ELP4: variants seen among roughly 807,000 people sequenced by gnomAD.
The protein encoded by ELP4 is elongator acetyltransferase complex subunit 4.
Under a neutral mutation model 48.9 loss-of-function variants are expected in ELP4, and 51 were observed. The ratio of observed to expected loss-of-function variants is 1.04; its 90% confidence interval spans 0.83 to 1.32. The LOEUF is 1.32. Ranked by LOEUF, ELP4 falls within the 40% of genes most tolerant of loss-of-function variation. ELP4 has a pLI of 0.00. For synonymous variants in ELP4, 210 were observed against 189.2 expected (o/e 1.11, Z -0.90); for missense variants, 519 against 514.6 (o/e 1.01, Z -0.08).
intron 3 of ELP4, among the ~76,000 whole-genome samples, chr11:31,590,996 G>A (rs1179086131): frequency 1.3e-5 from 2 of 152,020 alleles, no homozygotes; most frequent in Non-Finnish European, 2.9e-5. Context: ...GTCCATCAAT[G>A]GACGCTTCCA....
At chr11:31,703,969 A>T (rs1041374731) in intron 9 of ELP4, among the ~76,000 whole-genome samples, 1 of 152,142 alleles carries the variant, frequency 6.6e-6, no homozygotes, top group African/African-American at 2.4e-5. Flanking sequence ...CATATTCAGC[A>T]CTCTAACTTA....
intron 9 of ELP4, among the ~76,000 whole-genome samples, chr11:31,713,999 CAGAGA>C (rs1159473472): frequency 6.6e-6 from 1 of 151,950 alleles, no homozygotes; most frequent in Non-Finnish European, 1.5e-5. Context: ...GCTGAATGGA[CAGAGA>C]AGAGAAAGAA....
At chr11:31,521,158 G>C (rs917715682) in intron 2 of ELP4, among the ~76,000 whole-genome samples, 2 of 151,972 alleles carry the variant, frequency 1.3e-5, no homozygotes, top group African/African-American at 4.8e-5. Flanking sequence ...GTCTAGTAAA[G>C]GAAAACGTTA....
intron 9 of ELP4, among the ~76,000 whole-genome samples, chr11:31,740,561 C>A (rs932468849): frequency 6.6e-6 from 1 of 152,152 alleles, no homozygotes; most frequent in African/African-American, 2.4e-5. Flanking sequence ...CTGGGCTGTT[C>A]CTAACTTTTG....
intron 9 of ELP4, among the ~76,000 whole-genome samples, chr11:31,734,944 C>A (rs543633876): frequency 1.1e-4 from 16 of 152,196 alleles, no homozygotes; most frequent in Admixed American, 9.2e-4. Flanking sequence ...CTTCACATGT[C>A]CTGATTTTGA....
intron 7 of ELP4, chr11:31,647,316 A>G (rs1945221394): frequency 6.2e-6 from 1 of 161,034 alleles, no homozygotes; most frequent in Non-Finnish European, 1.3e-5. Flanking sequence ...CTTGCCCTAT[A>G]CTTTATGCTG....
intron 3 of ELP4, among the ~76,000 whole-genome samples, chr11:31,565,225 T>C (rs1440598412): frequency 6.6e-6 from 1 of 152,162 alleles, no homozygotes; most frequent in Non-Finnish European, 1.5e-5. Flanking sequence ...CATGGGGTTG[T>C]TTTTTTCTTG....
chr11:31,683,308 T>C (rs959093260), intron 9 of ELP4, among the ~76,000 whole-genome samples: 6 of 152,170 alleles, frequency 3.9e-5, no homozygotes, highest in Admixed American at 1.3e-4. Context: ...ATACAAAGTT[T>C]GGAGTTTTTT....
At chr11:31,736,427 A>G (rs1001141356) in intron 9 of ELP4, among the ~76,000 whole-genome samples, 1 of 152,214 alleles carries the variant, frequency 6.6e-6, no homozygotes, top group African/African-American at 2.4e-5. Flanking sequence ...CAAGGACTTC[A>G]TGTCTAAAAC....
chr11:31,753,849 T>A (rs887320154), intron 9 of ELP4, among the ~76,000 whole-genome samples: 1 of 152,132 alleles, frequency 6.6e-6, no homozygotes, highest in Non-Finnish European at 1.5e-5. Context: ...GATTCAAAAT[T>A]GTCCATGAGA....
intron 9 of ELP4, among the ~76,000 whole-genome samples, chr11:31,753,179 G>A (rs374996723): frequency 2.6e-5 from 4 of 152,178 alleles, no homozygotes; most frequent in East Asian, 3.9e-4. Context: ...ATCAACTCAT[G>A]TCGTCTGCTT....
chr11:31,510,278 T>G (rs1177507003), intron 1 of ELP4: 1 of 553,202 alleles, frequency 1.8e-6, no homozygotes. Context: ...TACATGCTTT[T>G]TACCCTGAAA....
intron 7 of ELP4, among the ~76,000 whole-genome samples, chr11:31,644,772 A>T (rs1945168595): frequency 6.6e-6 from 1 of 151,788 alleles, no homozygotes; most frequent in African/African-American, 2.4e-5. Flanking sequence ...TGAAGCTTGG[A>T]GGTGCAGAAG....
At chr11:31,727,034 G>A (rs953648159) in intron 9 of ELP4, among the ~76,000 whole-genome samples, 3 of 152,006 alleles carry the variant, frequency 2.0e-5, no homozygotes, top group Non-Finnish European at 4.4e-5. Flanking sequence ...AGAATAAGTA[G>A]CTCAAATTTC....
chr11:31,790,109 A>AAAAC lies in ELP4; in HGVS notation c.*6588_*6589insCAAA. 2.5e-6 allele frequency: 2 copies of AAAAC among 797,260 alleles called. No homozygotes were observed. The highest frequency in any genetic ancestry group is 3.6e-5 in the African/African-American group (2 of 55,456). 49.4% of individuals were successfully genotyped at this position (797,260 alleles called of 1,614,324 possible). ...ATTTATAGGTTTACAAAAAAAAAAA[A>AAAAC]AAAAAAAAAAACTAATACTTTCTAA... On this transcript the variant is annotated 3_prime_UTR_variant, in exon 10 of 10. Coordinates refer to ENST00000640961, the MANE Select transcript of ELP4 (RefSeq NM_019040.5).
chr11:31,699,525 A>G (rs911511245), intron 9 of ELP4, among the ~76,000 whole-genome samples: 1 of 152,168 alleles, frequency 6.6e-6, no homozygotes, highest in African/African-American at 2.4e-5. Flanking sequence ...TGATAAAAAT[A>G]GAAAATCACC....
chr11:31,664,121 TTC>T (rs1210476313), intron 9 of ELP4: 1 of 152,146 alleles, frequency 6.6e-6, no homozygotes, highest in African/African-American at 2.4e-5. Flanking sequence ...TTGTTTCAAA[TTC>T]TGTTTAATAT....
rs1948571548 is a variant in ELP4, at chr11:31,785,787, T to C, written c.*2263T>C. On this transcript the variant is annotated 3_prime_UTR_variant, in exon 10 of 10. Transcript: ENST00000640961. ...AACTTACTACATAAACATATCTCTC[T>C]TCAATAATGCTACCTTAGGTATAGA... The C allele has an allele frequency of 5.1e-6, 1 of 194,526 alleles. No individual in the cohort carries two copies. The highest frequency in any genetic ancestry group is 8.1e-5 in the East Asian group (1 of 12,350). The allele number at this position is 194,526 out of a possible 1,614,324, so 12.0% of individuals were successfully genotyped here. A position where few individuals can be genotyped will look rare whatever the true frequency, so the allele number is the denominator to read the frequency against.
chr11:31,564,712 C>G (rs999926630), intron 3 of ELP4, among the ~76,000 whole-genome samples: 1 of 152,170 alleles, frequency 6.6e-6, no homozygotes, highest in Non-Finnish European at 1.5e-5. Context: ...ATGAACTCAT[C>G]CTTTTTTATG....
Sources: gnomAD v4.1 joint callset for allele counts (sites outside exome capture counted in the v4.1 genomes callset) on GRCh38, gnomAD v4.1.1 for gene constraint, MANE v1.5 for transcripts, NCBI Gene and HGNC (gene_info 2026-07-23, HGNC 2026-07-21) for gene names.